EPHA7: variants seen among roughly 807,000 people sequenced by gnomAD.
The protein encoded by EPHA7 is ephrin type-A receptor 7.
In EPHA7, 25 loss-of-function variants were observed where a neutral mutation model predicts 112.6. The ratio of observed to expected loss-of-function variants is 0.22; its 90% CI spans 0.16 to 0.31. The LOEUF (loss-of-function observed/expected upper bound fraction) is 0.31, where lower values mean the gene tolerates loss of function less well. Ranked by LOEUF, EPHA7 falls within the 10% of genes least tolerant of loss-of-function variation. The pLI is 1.00. For synonymous variants in EPHA7, 437 were observed against 406.5 expected, an observed-to-expected ratio of 1.07 and a Z score of -0.90; for missense variants, 962 against 1,212.6, an observed-to-expected ratio of 0.79 and a Z score of 3.07.
In EPHA7 at chr6:93,254,765, G is replaced by T. The variant is rs1770362341; in HGVS notation, c.2414C>A (p.Pro805His). ...GGKIPVRWTA[P>H]EAIQYRKFTS... is the part of the protein sequence containing the mutation. Reference sequence around the variant, plus strand: ...GAATTTCCGGTACTGGATGGCTTCGGGTGCTGTCCACCTTACTGGAATTTT... The same window carrying T: ...GAATTTCCGGTACTGGATGGCTTCGTGTGCTGTCCACCTTACTGGAATTTT... The change falls in exon 14 of 17, where the codon CCC (proline) becomes CAC (histidine). Residue 805 changes from proline (P) to histidine (H), a missense_variant. This residue lies in a region of EPHA7 where 746 missense variants were observed against 889.2 expected (regional missense o/e 0.84). Coordinates refer to ENST00000369303, the MANE Select transcript of EPHA7 (RefSeq NM_004440.4). The T allele has an allele frequency of 6.2e-7, 1 of 1,612,588 alleles. No homozygotes were observed. The highest frequency in any genetic ancestry group is 8.5e-7 in the Non-Finnish European group (1 of 1,179,108).
At chr6:93,325,757 TA>T (rs1176285429) in intron 5 of EPHA7, among the ~76,000 whole-genome samples, 1 of 151,422 alleles carries the variant, frequency 6.6e-6, no homozygotes, top group Non-Finnish European at 1.5e-5. Context: ...TTATATTTAC[TA>T]GACACACTTT....
intron 5 of EPHA7, among the ~76,000 whole-genome samples, chr6:93,350,928 A>C (rs1775660352): frequency 6.6e-6 from 1 of 152,008 alleles, no homozygotes; most frequent in Non-Finnish European, 1.5e-5. Flanking sequence ...TCTTTCCCAC[A>C]AATCTTTATT....
At chr6:93,244,132 C>T (rs370515) in intron 16 of EPHA7, among the ~76,000 whole-genome samples, 152,300 of 152,302 alleles carry the variant, frequency 1, 76,149 homozygotes, top group Middle Eastern at 1. Flanking sequence ...AAATTTGAAT[C>T]AAGAATTGGA....
At chr6:93,265,235 G>T (rs1770875634) in intron 7 of EPHA7, among the ~76,000 whole-genome samples, 1 of 151,702 alleles carries the variant, frequency 6.6e-6, no homozygotes, top group South Asian at 2.1e-4. Context: ...TCAGGAAAAA[G>T]ATGAGCCACA....
intron 5 of EPHA7, among the ~76,000 whole-genome samples, chr6:93,356,403 TC>T (rs1408347885): frequency 6.6e-6 from 1 of 152,052 alleles, no homozygotes; most frequent in African/African-American, 2.4e-5. Flanking sequence ...AGATGGGGTT[TC>T]TTGTTGCCCA....
At chr6:93,252,603 G>A (rs429716) in intron 14 of EPHA7, among the ~76,000 whole-genome samples, 107,699 of 151,572 alleles carry the variant, frequency 0.71, 38,364 homozygotes, top group South Asian at 0.83. Context: ...TAAATTATCT[G>A]ATTTTTCTCC....
intron 2 of EPHA7, among the ~76,000 whole-genome samples, chr6:93,412,765 CA>C (rs1779040422): frequency 6.6e-6 from 1 of 151,914 alleles, no homozygotes; most frequent in East Asian, 1.9e-4. Context: ...TCAAAAGCTC[CA>C]AAGATAAATG....
chr6:93,249,729 T>C (rs1770120882), intron 14 of EPHA7, among the ~76,000 whole-genome samples: 1 of 152,180 alleles, frequency 6.6e-6, no homozygotes, highest in Non-Finnish European at 1.5e-5. Flanking sequence ...AGTCGAGTGA[T>C]CTTTCCTTTT....
intron 5 of EPHA7, among the ~76,000 whole-genome samples, chr6:93,303,873 C>T (rs1258169695): frequency 6.6e-6 from 1 of 152,006 alleles, no homozygotes; most frequent in Non-Finnish European, 1.5e-5. Context: ...AATTTTTCCC[C>T]GATTTTTCTT....
intron 1 of EPHA7, among the ~76,000 whole-genome samples, chr6:93,418,554 T>G (rs1210957413): frequency 2.0e-5 from 3 of 152,308 alleles, no homozygotes; most frequent in Middle Eastern, 6.8e-3. Context: ...GCTGCCCCCA[T>G]GACCGCTGGG....
At chr6:93,342,909 T>C (rs900630358) in intron 5 of EPHA7, among the ~76,000 whole-genome samples, 1 of 151,718 alleles carries the variant, frequency 6.6e-6, no homozygotes, top group Non-Finnish European at 1.5e-5. Flanking sequence ...AGAAAACACA[T>C]ATTGTCTGCA....
chr6:93,416,910 C>T (rs576968043), intron 1 of EPHA7, among the ~76,000 whole-genome samples: 11 of 152,202 alleles, frequency 7.2e-5, no homozygotes, highest in African/African-American at 2.4e-4. Flanking sequence ...GGCTGCCAGA[C>T]GGGCGCGCCA....
chr6:93,387,739 AG>A (rs961601751), intron 3 of EPHA7, among the ~76,000 whole-genome samples: 1 of 152,048 alleles, frequency 6.6e-6, no homozygotes, highest in Non-Finnish European at 1.5e-5. Flanking sequence ...TGCAGAGTGA[AG>A]GGGGGAAAAC....
intron 5 of EPHA7, among the ~76,000 whole-genome samples, chr6:93,287,349 C>T (rs895568149): frequency 1.4e-4 from 22 of 152,146 alleles, no homozygotes; most frequent in South Asian, 6.2e-4. Flanking sequence ...AGTCTGGCTT[C>T]GGTCCACCTC....
At chr6:93,326,763 G>A (rs1275168160) in intron 5 of EPHA7, among the ~76,000 whole-genome samples, 4 of 151,430 alleles carry the variant, frequency 2.6e-5, no homozygotes, top group Admixed American at 1.3e-4. Context: ...ATCCAGCGGT[G>A]AGCAGAATGA....
chr6:93,268,951 G>A (rs1582418699), intron 7 of EPHA7, among the ~76,000 whole-genome samples: 2 of 151,586 alleles, frequency 1.3e-5, no homozygotes, highest in African/African-American at 4.8e-5. Context: ...TAACAAAAAT[G>A]AAAAATGTCA....
chr6:93,403,133 C>T (rs990539606), intron 3 of EPHA7, among the ~76,000 whole-genome samples: 1 of 151,880 alleles, frequency 6.6e-6, no homozygotes, highest in Non-Finnish European at 1.5e-5. Context: ...TTAAGGACTC[C>T]CATCCTCACA....
At chr6:93,414,666 T>G (rs146497703) in intron 2 of EPHA7, 37 bp downstream of exon 2, 1 of 1,522,014 alleles carries the variant, frequency 6.6e-7, no homozygotes, top group African/African-American at 1.4e-5. Context: ...TGTTTCTTAT[T>G]TTAAAAAAGT....
intron 14 of EPHA7, among the ~76,000 whole-genome samples, chr6:93,247,358 T>C (rs1247528429): frequency 6.6e-6 from 1 of 152,208 alleles, no homozygotes; most frequent in Non-Finnish European, 1.5e-5. Flanking sequence ...ATTCTGCAAG[T>C]TGTAAAAGGA....
Sources: allele counts gnomAD v4.1 joint callset (sites outside exome capture counted in the v4.1 genomes callset), GRCh38; gene constraint gnomAD v4.1.1; regional missense constraint gnomAD v4.1.1; transcripts MANE v1.5; gene names NCBI Gene and HGNC (gene_info 2026-07-23, HGNC 2026-07-21).